Variants in AGMO observed in about 807,000 individuals in gnomAD.
AGMO encodes glyceryl-ether monooxygenase.
In AGMO, 75 loss-of-function variants were observed where a neutral mutation model predicts 60.2. The observed-to-expected ratio is 1.25, with a 90% CI of 1.03 to 1.51. The LOEUF (loss-of-function observed/expected upper bound fraction) is 1.51, where lower values mean the gene tolerates loss of function less well. Ranked by LOEUF, AGMO falls within the 40% of genes most tolerant of loss-of-function variation. The probability of loss-of-function intolerance (pLI) is 0.00; values close to 1 mark genes in which losing one functional copy is unlikely to be tolerated. For synonymous variants in AGMO, 261 were observed against 177.1 expected (o/e 1.47, Z -3.76); for missense variants, 763 against 525.5 (o/e 1.45, Z -4.42).
intron 10 of AGMO, among the ~76,000 whole-genome samples, chr7:15,375,483 A>G (rs565402024): frequency 2.1e-5 from 3 of 144,418 alleles, no homozygotes; most frequent in Admixed American, 1.5e-4. Flanking sequence ...CACAACCTCT[A>G]ACTCCTGGGT....
In AGMO at chr7:15,405,260, A is replaced by G. The variant is rs538732371; in HGVS notation, c.610-11081T>C. ...TGTAGACAATCTACTTAACACAATC[A>G]GTGCGTTCATTCATTAAAAAGATGT... is the stretch of plus-strand genomic sequence containing the variant. On this transcript the variant is annotated intron_variant, in intron 5 of 12. Coordinates refer to ENST00000342526, the MANE Select transcript of AGMO (RefSeq NM_001004320.2). Among the ~76,000 whole-genome samples, 3 of 152,048 alleles carry G rather than the reference A, an allele frequency of 2.0e-5. No individual in the cohort carries two copies. In the East Asian group the frequency reaches 5.8e-4, roughly 29 times the overall value.
intron 5 of AGMO, among the ~76,000 whole-genome samples, chr7:15,415,880 G>C (rs1780753825): frequency 6.6e-6 from 1 of 151,986 alleles, no homozygotes. Context: ...ATGTGCTGCA[G>C]AGGCTTTAGA....
chr7:15,161,559 CAT>C, the AGMO span, among the ~76,000 whole-genome samples: 260 of 151,300 alleles, frequency 1.7e-3, 1 homozygote, highest in African/African-American at 5.2e-3. Context: ...CATATATACA[CAT>C]GTGGATTTTA....
At chr7:15,271,333 G>A (rs1371619642) in intron 12 of AGMO, among the ~76,000 whole-genome samples, 1 of 151,886 alleles carries the variant, frequency 6.6e-6, no homozygotes, top group Non-Finnish European at 1.5e-5. Flanking sequence ...TATGTCATCT[G>A]CAATTTCTTT....
chr7:15,244,818 A>AT, intron 12 of AGMO, among the ~76,000 whole-genome samples: 1 of 151,810 alleles, frequency 6.6e-6, no homozygotes, highest in East Asian at 1.9e-4. Flanking sequence ...TGCGTGGCTA[A>AT]TTTTTTTGTA....
chr7:15,502,189 A>AT (rs1783403536), intron 3 of AGMO, among the ~76,000 whole-genome samples: 1 of 151,862 alleles, frequency 6.6e-6, no homozygotes, highest in Non-Finnish European at 1.5e-5. Context: ...ACCCAAGTTT[A>AT]TTTTTTCTTG....
At chr7:15,385,043 C>A (rs1204930510) in intron 10 of AGMO, among the ~76,000 whole-genome samples, 3 of 152,116 alleles carry the variant, frequency 2.0e-5, no homozygotes, top group Non-Finnish European at 4.4e-5. Context: ...AAACTCTACA[C>A]TGAAAACCCT....
chr7:15,141,564 T>C, the AGMO span, among the ~76,000 whole-genome samples: 1 of 152,026 alleles, frequency 6.6e-6, no homozygotes, highest in African/African-American at 2.4e-5. Context: ...CCAGCCTGGG[T>C]GACAGAGCTA....
At chr7:15,365,917 CTT>C (rs1318822942) in intron 11 of AGMO, among the ~76,000 whole-genome samples, 3 of 151,972 alleles carry the variant, frequency 2.0e-5, no homozygotes, top group East Asian at 1.9e-4. Context: ...AAGTGAGACT[CTT>C]TTCACTGATT....
intron 5 of AGMO, among the ~76,000 whole-genome samples, chr7:15,416,049 G>T (rs1240020250): frequency 7.8e-6 from 1 of 128,538 alleles, no homozygotes; most frequent in Non-Finnish European, 1.8e-5. Flanking sequence ...TTTTTTGGAG[G>T]TGGGCAGGGA....
At chr7:15,391,422 A>T (rs1784132623) in intron 6 of AGMO, among the ~76,000 whole-genome samples, 1 of 152,172 alleles carries the variant, frequency 6.6e-6, no homozygotes, top group African/African-American at 2.4e-5. Flanking sequence ...TAACTTTTTC[A>T]AAACTCATAT....
chr7:15,372,613 G>A lies in AGMO; in HGVS notation c.1075-6391C>T, dbSNP rs575085401. On this transcript the variant is annotated intron_variant, in intron 10 of 12. Coordinates refer to ENST00000342526, the MANE Select transcript of AGMO (RefSeq NM_001004320.2). ...TTAGTATTTGCCCGTAAGACCACTG[G>A]CCAACTACACTAGAGCAAAAGAAAA... 3.3e-5 allele frequency among the ~76,000 whole-genome samples: 5 copies of A among 152,052 alleles called. No homozygotes were observed. In the South Asian group the frequency reaches 8.3e-4, roughly 25 times the overall value.
chr7:15,535,547 A>G (rs1784465515), intron 3 of AGMO, among the ~76,000 whole-genome samples: 5 of 151,946 alleles, frequency 3.3e-5, no homozygotes, highest in Admixed American at 3.3e-4. Context: ...ATTCCACAGC[A>G]TGCCTCACTA....
intron 12 of AGMO, among the ~76,000 whole-genome samples, chr7:15,253,494 C>T (rs1783001938): frequency 6.6e-6 from 1 of 152,036 alleles, no homozygotes; most frequent in African/African-American, 2.4e-5. Flanking sequence ...GAGCAAGGTG[C>T]AGGGCCAGCT....
intron 12 of AGMO, among the ~76,000 whole-genome samples, chr7:15,218,268 A>G (rs1165048607): frequency 6.6e-6 from 1 of 151,466 alleles, no homozygotes; most frequent in Non-Finnish European, 1.5e-5. Flanking sequence ...AGTGAATAGA[A>G]CTATATCTTC....
At chr7:15,214,303 T>C (rs1258452352) in intron 12 of AGMO, among the ~76,000 whole-genome samples, 1 of 152,012 alleles carries the variant, frequency 6.6e-6, no homozygotes, top group African/African-American at 2.4e-5. Flanking sequence ...CAAAGGTATA[T>C]TTTATGGATT....
At chr7:15,120,509 C>T in the AGMO span, among the ~76,000 whole-genome samples, 3 of 152,102 alleles carry the variant, frequency 2.0e-5, no homozygotes, top group Non-Finnish European at 2.9e-5. Context: ...AAGGATGGGA[C>T]TCCATGATAG....
chr7:15,435,088 A>G (rs757651710), intron 3 of AGMO, among the ~76,000 whole-genome samples: 2 of 151,816 alleles, frequency 1.3e-5, no homozygotes, highest in African/African-American at 2.4e-5. Context: ...TGACTATATC[A>G]CAGTTTTGTT....
chr7:15,221,877 CA>C (rs1250689367), intron 12 of AGMO, among the ~76,000 whole-genome samples: 4 of 151,976 alleles, frequency 2.6e-5, no homozygotes, highest in Admixed American at 2.6e-4. Flanking sequence ...GCAATTTCAC[CA>C]ATTTCATAAC....
Sources: gnomAD v4.1 joint callset for allele counts (sites outside exome capture counted in the v4.1 genomes callset) on GRCh38, gnomAD v4.1.1 for gene constraint, MANE v1.5 for transcripts, NCBI Gene and HGNC (gene_info 2026-07-23, HGNC 2026-07-21) for gene names.